Variants in TTF2 observed in about 807,000 individuals in gnomAD.
The protein encoded by TTF2 is transcription termination factor 2.
TTF2 carries 108 observed loss-of-function variants against 142.4 expected under a neutral mutation model. That is an observed-to-expected ratio of 0.76 (90% CI 0.65 to 0.89). The LOEUF (loss-of-function observed/expected upper bound fraction) is 0.89, where lower values mean the gene tolerates loss of function less well. Among genes scored for constraint, TTF2 ranks in the 40% least tolerant of loss-of-function variants. TTF2 has a pLI of 0.00. For synonymous variants in TTF2, 483 were observed against 506.2 expected (o/e 0.95, Z 0.61); for missense variants, 1,327 against 1,379.8 (o/e 0.96, Z 0.61).
Position 117,101,409 on chromosome 1 carries a change from A to G in TTF2, c.3374A>G (p.Lys1125Arg). The G allele has an allele frequency of 6.2e-7, 1 of 1,600,768 alleles. No homozygotes were observed. The change falls in exon 23 of 23, where the codon AAG (lysine) becomes AGG (arginine). Residue 1125 changes from lysine to arginine, a missense_variant. Transcript: ENST00000369466. The surrounding 1 kb of genome is among the most constrained non-coding windows in gnomAD (Gnocchi z 5.9). ...GTTTGTGAGGGAACAGTAGAAGAAA[A>G]GATCTTACAGCTCCAAGAAAAAAAG... is the stretch of plus-strand genomic sequence containing the variant. ...RFVCEGTVEE[K>R]ILQLQEKKKD... is the part of the protein sequence containing the mutation.
Position 117,076,303 on chromosome 1 carries a change from G to T in TTF2, c.1390+9G>T. 2 of 1,609,094 alleles carry T rather than the reference G, an allele frequency of 1.2e-6. No homozygotes were observed. The highest frequency in any genetic ancestry group is 1.7e-6 in the Non-Finnish European group (2 of 1,176,868). On this transcript the variant is annotated intron_variant, in intron 6 of 22. Transcript: ENST00000369466. The surrounding 1 kb of genome is among the most constrained non-coding windows in gnomAD (Gnocchi z 4.6). Reference sequence around the variant, plus strand: ...CCTTTCCCCAGAGCAAGGTAAAGTGGCTTATGCCTCAGAACTCCGGGTTTG... The same window carrying T: ...CCTTTCCCCAGAGCAAGGTAAAGTGTCTTATGCCTCAGAACTCCGGGTTTG...
intron 3 of TTF2, among the ~76,000 whole-genome samples, chr1:117,064,577 G>T (rs1655938754): frequency 6.6e-6 from 1 of 152,136 alleles, no homozygotes; most frequent in South Asian, 2.1e-4. Context: ...GAGTGCCGTG[G>T]TACAATCTTG....
At chr1:117,083,973 C>T (rs776378144) in intron 10 of TTF2, 45 bp from the exon 11 acceptor site, 9 of 1,608,106 alleles carry the variant, frequency 5.6e-6, no homozygotes, top group Non-Finnish European at 6.8e-6. Context: ...AGTTAAAAGC[C>T]ATTTGGTGAA....
chr1:117,072,650 C>G (rs1412934046), intron 3 of TTF2, among the ~76,000 whole-genome samples: 4 of 152,112 alleles, frequency 2.6e-5, no homozygotes, highest in African/African-American at 7.2e-5. Flanking sequence ...GTCTCGATCT[C>G]TTGATCTCGT....
Position 117,099,029 on chromosome 1 carries a change from C to A in TTF2, c.3344+122C>A. On this transcript the variant is annotated intron_variant, in intron 22 of 22. Transcript: ENST00000369466. This position sits in a 1 kb window ranked among gnomAD's most constrained non-coding sequence, Gnocchi z 4.3. Reference sequence around the variant, plus strand: ...TGGTGATGACTTTACTGATGATGCCCCTGAGGCATACCTTCAGGCAAACCA... The same window carrying A: ...TGGTGATGACTTTACTGATGATGCCACTGAGGCATACCTTCAGGCAAACCA... 1 of 877,108 alleles carries A rather than the reference C, an allele frequency of 1.1e-6. No homozygotes were observed. The highest frequency in any genetic ancestry group is 1.7e-6 in the Non-Finnish European group (1 of 600,702). 54.3% of individuals were successfully genotyped at this position (877,108 alleles called of 1,614,324 possible). A position where few individuals can be genotyped will look rare whatever the true frequency, so the allele number is the denominator to read the frequency against.
chr1:117,092,948 C>T lies in TTF2; in HGVS notation c.2976+47C>T. On this transcript the variant is annotated intron_variant, in intron 18 of 22. Coordinates refer to ENST00000369466, the MANE Select transcript of TTF2 (RefSeq NM_003594.4). The surrounding 1 kb of genome is among the most constrained non-coding windows in gnomAD (Gnocchi z 4.4). ...GTAGTCGAGAGACTTCGATTCCTCA[C>T]ACATTTTCCTGTGTGACAGCACTTC... The T allele has an allele frequency of 6.2e-7, 1 of 1,601,900 alleles. No homozygotes were observed. The highest frequency in any genetic ancestry group is 8.5e-7 in the Non-Finnish European group (1 of 1,172,046).
In TTF2 at chr1:117,075,454, T is replaced by C; in HGVS notation, c.870T>C (p.Ala290=). The C allele has an allele frequency of 6.2e-7, 1 of 1,614,022 alleles. No individual in the cohort carries two copies. The highest frequency in any genetic ancestry group is 8.5e-7 in the Non-Finnish European group (1 of 1,179,964). Residue 290 remains alanine (A), a synonymous_variant, in exon 5 of 23, where the codon GCT becomes GCC. Coordinates refer to ENST00000369466, the MANE Select transcript of TTF2 (RefSeq NM_003594.4). This position sits in a 1 kb window ranked among gnomAD's most constrained non-coding sequence, Gnocchi z 4.5. ...PLNKEYTNWE[A]KETKAKDGPS... ...ACAAGGAGTACACGAACTGGGAGGC[T>C]AAAGAAACAAAGGCAAAGGATGGCC...
At chr1:117,084,985 A>C (rs1647884814) in intron 11 of TTF2, among the ~76,000 whole-genome samples, 1 of 152,188 alleles carries the variant, frequency 6.6e-6, no homozygotes, top group Non-Finnish European at 1.5e-5. Context: ...TCGCTTCTGC[A>C]GGCAAAAGGC....
rs756155496 is a variant in TTF2, at chr1:117,096,311, T to TCA, written c.3186+15_3186+16dup. The stretch of plus-strand genomic sequence containing the variant: ...CCAGAGGCCCTCAGGTACAAGCTGG[T>TCA]CACATCAGAGCCGCATAATTAACTG... On this transcript the variant is annotated intron_variant, in intron 20 of 22. Transcript: ENST00000369466. The TCA allele has an allele frequency of 6.8e-6, 11 of 1,613,820 alleles. No homozygotes were observed. The highest frequency in any genetic ancestry group is 9.3e-6 in the Non-Finnish European group (11 of 1,179,920).
intron 7 of TTF2, among the ~76,000 whole-genome samples, chr1:117,077,246 A>T (rs1019751038): frequency 6.6e-6 from 1 of 152,152 alleles, no homozygotes; most frequent in African/African-American, 2.4e-5. Context: ...ACATGAGGGG[A>T]GAAGCCATTC....
At position 117,081,802 on chromosome 1, in the gene TTF2, C is replaced by T. The variant is rs369047437; in HGVS notation, c.1784-26C>T. The stretch of plus-strand genomic sequence containing the variant: ...GATTATTTGCCCTAAGCAATTAACT[C>T]TCTTAATTTTGCTTTTATTTTCTAG... On this transcript the variant is annotated intron_variant, in intron 9 of 22. Transcript: ENST00000369466. 7 of 1,608,562 alleles carry T rather than the reference C, an allele frequency of 4.4e-6. No homozygotes were observed. The African/African-American group carries it at 9.4e-5, about 22-fold the overall frequency.
chr1:117,089,153 T>C (rs1239096579), intron 13 of TTF2, among the ~76,000 whole-genome samples, 171 bp downstream of exon 13: 1 of 151,962 alleles, frequency 6.6e-6, no homozygotes, highest in Admixed American at 6.6e-5. Context: ...AAAATAGCTG[T>C]TGATTGGTTG....
rs1483332369 is a variant in TTF2 at position 117,085,575 on chromosome 1, G to A, written c.2055-842G>A. 2.0e-5 allele frequency among the ~76,000 whole-genome samples: 3 copies of A among 152,122 alleles called. No individual in the cohort carries two copies. The highest frequency in any genetic ancestry group is 7.2e-5 in the African/African-American group (3 of 41,418). On this transcript the variant is annotated intron_variant, in intron 11 of 22. Transcript: ENST00000369466. The surrounding 1 kb of genome is among the most constrained non-coding windows in gnomAD (Gnocchi z 4.7). Reference sequence around the variant, plus strand: ...ACCTATTATTATCATTTCTGATGCTGAGTATGCTAATTATAAGTGATAATT... The same window carrying A: ...ACCTATTATTATCATTTCTGATGCTAAGTATGCTAATTATAAGTGATAATT...
rs770448573 is a variant in TTF2 at position 117,060,351 on chromosome 1, A to T, written c.5A>T (p.Glu2Val). ...GAACTTGGGGGACCCAGCGAAATGG[A>T]AGAAGTTAGGTGTCCAGAGCACGGT... M[E>V]EVRCPEHGTF... is the part of the protein sequence containing the mutation. Residue 2 changes from glutamate (E) to valine (V), a missense_variant, in exon 1 of 23, where the codon GAA (glutamate) becomes GTA (valine). Glu to Val is a moderately radical substitution (Grantham distance 121, BLOSUM62 -2). Coordinates refer to ENST00000369466, the MANE Select transcript of TTF2 (RefSeq NM_003594.4). 2.1e-5 allele frequency: 33 copies of T among 1,596,776 alleles called. No individual in the cohort carries two copies. Among genetic ancestry groups the T allele is most frequent in the Non-Finnish European group, 2.6e-5 (31 of 1,171,768 alleles).
At chr1:117,096,736 G>C (rs1649190698) in intron 20 of TTF2, among the ~76,000 whole-genome samples, 1 of 152,188 alleles carries the variant, frequency 6.6e-6, no homozygotes, top group Non-Finnish European at 1.5e-5. Context: ...ATTCCTCCGA[G>C]TGTTTAGAAT....
Position 117,084,010 on chromosome 1 carries a change from T to A in TTF2, c.1904-8T>A, listed in dbSNP as rs1216373555. ...GTAACTAGGCACTGATTTTTTTCCCTTCTCAAGACTCTTGTGACTTTACTT... is the reference window on the plus strand; with the variant it reads ...GTAACTAGGCACTGATTTTTTTCCCATCTCAAGACTCTTGTGACTTTACTT... On this transcript the variant is annotated splice_region_variant and splice_polypyrimidine_tract_variant and intron_variant, in intron 10 of 22. Coordinates refer to ENST00000369466, the MANE Select transcript of TTF2 (RefSeq NM_003594.4). The A allele has an allele frequency of 6.2e-7, 1 of 1,613,858 alleles. No individual in the cohort carries two copies. The highest frequency in any genetic ancestry group is 1.1e-5 in the South Asian group (1 of 91,032).
At position 117,086,605 on chromosome 1, in the gene TTF2, A is replaced by G. The variant is rs1648039444; in HGVS notation, c.2160+83A>G. 2.1e-6 allele frequency: 2 copies of G among 962,430 alleles called. No homozygotes were observed. Among genetic ancestry groups the G allele is most frequent in the Admixed American group, 3.9e-5 (2 of 50,798 alleles). The allele number at this position is 962,430 out of a possible 1,614,324, so 59.6% of individuals were successfully genotyped here. On this transcript the variant is annotated intron_variant, in intron 12 of 22. Transcript: ENST00000369466. This position sits in a 1 kb window ranked among gnomAD's most constrained non-coding sequence, Gnocchi z 4.2. ...GTCTTTCTCAGCCTCCACGATAGCA[A>G]GAGGACCTCCCTGGAGGTCAGGAAT...
chr1:117,082,171 TA>T, intron 10 of TTF2: 1 of 563,832 alleles, frequency 1.8e-6, no homozygotes, highest in Non-Finnish European at 3.1e-6. Flanking sequence ...GGCAGAATTT[TA>T]TGGAGAAAGC....
intron 3 of TTF2, among the ~76,000 whole-genome samples, chr1:117,069,876 G>A (rs974367958): frequency 2.0e-5 from 3 of 152,156 alleles, no homozygotes; most frequent in African/African-American, 7.2e-5. Flanking sequence ...CTTCTAGCTG[G>A]TCCCTTCATC....
Sources: allele counts gnomAD v4.1 joint callset (sites outside exome capture counted in the v4.1 genomes callset), GRCh38; gene constraint gnomAD v4.1.1; non-coding constraint Gnocchi (gnomAD v3.1); transcripts MANE v1.5; gene names NCBI Gene and HGNC (gene_info 2026-07-23, HGNC 2026-07-21).